The following FAM177A1 variants were observed in gnomAD, a reference collection of about 807,000 sequenced individuals.
FAM177A1 encodes the protein protein FAM177A1.
FAM177A1 carries 22 observed loss-of-function variants against 26.1 expected under a neutral mutation model. The observed-to-expected ratio is 0.84, with a 90% CI of 0.60 to 1.20. The LOEUF (loss-of-function observed/expected upper bound fraction) is 1.20, where lower values mean the gene tolerates loss of function less well. Ranked by LOEUF, FAM177A1 falls within the 50% of genes most tolerant of loss-of-function variation. The pLI, the probability that FAM177A1 is intolerant of heterozygous loss-of-function variation, is 0.00. For missense variants in FAM177A1, 296 were observed against 291.1 expected (o/e 1.02, Z -0.12); for synonymous variants, 95 against 99.3 (o/e 0.96, Z 0.26).
chr14:35,080,668 G>A (rs1231888425), intron 4 of FAM177A1, among the ~76,000 whole-genome samples: 2 of 152,100 alleles, frequency 1.3e-5, no homozygotes, highest in South Asian at 2.1e-4. Flanking sequence ...GGGCGTGGTG[G>A]CAGGTGCTTG....
At chr14:35,060,052 C>T (rs1244815779) in intron 2 of FAM177A1, among the ~76,000 whole-genome samples, 9 of 151,876 alleles carry the variant, frequency 5.9e-5, no homozygotes, top group Non-Finnish European at 4.4e-5. Flanking sequence ...CGGCTCACTG[C>T]AACCTCTGCT....
At chr14:35,070,257 C>T (rs2045300981) in intron 2 of FAM177A1, among the ~76,000 whole-genome samples, 2 of 151,552 alleles carry the variant, frequency 1.3e-5, no homozygotes, top group South Asian at 4.2e-4. Flanking sequence ...ATCTCCTGAC[C>T]TCGTGATCCA....
intron 2 of FAM177A1, among the ~76,000 whole-genome samples, chr14:35,068,264 A>G (rs1005738219): frequency 1.2e-4 from 18 of 152,218 alleles, no homozygotes; most frequent in African/African-American, 4.3e-4. Context: ...GATGATTGGT[A>G]TCTTAATGTT....
chr14:35,055,822 C>CAT (rs1448521923), intron 2 of FAM177A1, among the ~76,000 whole-genome samples: 1 of 152,194 alleles, frequency 6.6e-6, no homozygotes, highest in Non-Finnish European at 1.5e-5. Flanking sequence ...GATTTCTCCA[C>CAT]ATATTCAGCA....
At chr14:35,047,785 A>C (rs56397960) in intron 1 of FAM177A1, among the ~76,000 whole-genome samples, 4,025 of 120,728 alleles carry the variant, frequency 0.033, 68 homozygotes, top group Middle Eastern at 0.082. Flanking sequence ...ACAACAACAA[A>C]AAAAAAACCC....
At chr14:35,069,499 G>GTA (rs2045287062) in intron 2 of FAM177A1, among the ~76,000 whole-genome samples, 1 of 151,906 alleles carries the variant, frequency 6.6e-6, no homozygotes, top group African/African-American at 2.4e-5. Flanking sequence ...TGGTCAGGCT[G>GTA]GTCTCGAACT....
chr14:35,077,842 T>C (rs1022694254), intron 3 of FAM177A1, among the ~76,000 whole-genome samples: 6 of 152,212 alleles, frequency 3.9e-5, no homozygotes, highest in Non-Finnish European at 7.3e-5. Flanking sequence ...TGGTTTCCAA[T>C]TGATAACATT....
At chr14:35,077,273 A>G in intron 3 of FAM177A1, 57 bp downstream of exon 3, 2 of 1,481,564 alleles carry the variant, frequency 1.3e-6, no homozygotes. Context: ...CAGCAACAGG[A>G]ACTTTGCTAA....
chr14:35,077,522 C>G (rs2045416181), intron 3 of FAM177A1, among the ~76,000 whole-genome samples: 1 of 133,958 alleles, frequency 7.5e-6, no homozygotes, highest in Non-Finnish European at 1.5e-5. Context: ...GTCGCCCAGG[C>G]CGGACTGCGG....
intron 2 of FAM177A1, among the ~76,000 whole-genome samples, chr14:35,057,194 G>A (rs576512409): frequency 5.9e-5 from 9 of 152,200 alleles, no homozygotes; most frequent in Non-Finnish European, 1.3e-4. Context: ...TTCCCTTTAA[G>A]TACTGCCTTA....
Position 35,079,011 on chromosome 14 carries a change from G to A in FAM177A1, c.491G>A (p.Arg164Gln), listed in dbSNP as rs536518345. Residue 164 changes from arginine (R) to glutamine (Q), a missense_variant, in exon 4 of 5, where the codon CGG (arginine) becomes CAG (glutamine). Transcript: ENST00000280987. ...CAATATGCCATTGATGAATATTATC[G>A]GATGAAGAAGGAGGTATGCCTCCTT... ...KYQYAIDEYY[R>Q]MKKEEEEEEE... 14 of 1,553,954 alleles carry A rather than the reference G, an allele frequency of 9.0e-6. No individual in the cohort carries two copies. The highest frequency in any genetic ancestry group is 3.8e-5 in the South Asian group (3 of 79,446).
intron 1 of FAM177A1, among the ~76,000 whole-genome samples, chr14:35,051,443 G>A (rs2044969491): frequency 6.6e-6 from 1 of 151,210 alleles, no homozygotes; most frequent in African/African-American, 2.4e-5. Flanking sequence ...GAGACAGTCT[G>A]GCTCTGTTGC....
intron 2 of FAM177A1, among the ~76,000 whole-genome samples, chr14:35,061,795 GACTTGCCTCTGCTGGCGTAGA>G (rs1233855693): frequency 2.0e-5 from 3 of 151,516 alleles, no homozygotes; most frequent in South Asian, 2.1e-4. Flanking sequence ...AAGTATTTTT[GACTTGCCTCTGCTGGCGTAGA>G]ACTTGCCTCT....
chr14:35,071,037 C>T (rs149380715), intron 2 of FAM177A1, among the ~76,000 whole-genome samples: 5,694 of 150,274 alleles, frequency 0.038, 105 homozygotes, highest in South Asian at 0.062. Flanking sequence ...TGCTCTGTTG[C>T]CCATGCTGGA....
rs752040724 is a variant in FAM177A1, at chr14:35,046,612, G to A, written c.149G>A (p.Gly50Glu). ...GGAGCTGCGGCCGCCGCGGCATTCG[G>A]GGAATCTGCAGGGCAGGTAGGTGGG... is the stretch of plus-strand genomic sequence containing the variant. ...ASGAAAAAAF[G>E]ESAGQMSNER... Residue 50 changes from glycine to glutamate, a missense_variant, in exon 1 of 5, where the codon GGG (glycine) becomes GAG (glutamate). Transcript: ENST00000280987. 3 of 1,548,618 alleles carry A rather than the reference G, an allele frequency of 1.9e-6. No homozygotes were observed. In the African/African-American group the frequency reaches 4.1e-5, roughly 21 times the overall value.
At chr14:35,062,118 A>G (rs950015743) in intron 2 of FAM177A1, among the ~76,000 whole-genome samples, 2 of 152,176 alleles carry the variant, frequency 1.3e-5, no homozygotes, top group African/African-American at 2.4e-5. Context: ...GAGGGTGCTG[A>G]GAGGGAGTGG....
At chr14:35,066,113 C>CTGTA (rs1180756934) in intron 2 of FAM177A1, among the ~76,000 whole-genome samples, 1 of 152,114 alleles carries the variant, frequency 6.6e-6, no homozygotes, top group African/African-American at 2.4e-5. Context: ...GTTGCCCAGG[C>CTGTA]TGTAGTAAAG....
intron 2 of FAM177A1, among the ~76,000 whole-genome samples, chr14:35,075,653 T>A (rs892230207): frequency 2.9e-4 from 44 of 152,084 alleles, no homozygotes; most frequent in Non-Finnish European, 4.9e-4. Context: ...ACCATCAGAG[T>A]GAACAGGCAA....
At chr14:35,060,984 G>A (rs2045143016) in intron 2 of FAM177A1, among the ~76,000 whole-genome samples, 1 of 152,106 alleles carries the variant, frequency 6.6e-6, no homozygotes, top group South Asian at 2.1e-4. Flanking sequence ...TATTATTACA[G>A]TGTATTGTGA....
Sources: allele counts gnomAD v4.1 joint callset (sites outside exome capture counted in the v4.1 genomes callset), GRCh38; gene constraint gnomAD v4.1.1; transcripts MANE v1.5; gene names NCBI Gene and HGNC (gene_info 2026-07-23, HGNC 2026-07-21).